Variants in BCAS3 observed in about 807,000 individuals in gnomAD.
BCAS3 encodes BCAS4/BCAS3 fusion.
BCAS3 carries 53 observed loss-of-function variants against 116.1 expected under a neutral mutation model. That is an observed-to-expected ratio of 0.46 (90% CI 0.37 to 0.57). The LOEUF (loss-of-function observed/expected upper bound fraction) is 0.57. Among genes scored for constraint, BCAS3 ranks in the 20% least tolerant of loss-of-function variants. BCAS3 has a pLI of 0.00. For missense variants in BCAS3, 917 were observed against 1,165.4 expected (o/e 0.79, Z 3.10); for synonymous variants, 391 against 408.2 (o/e 0.96, Z 0.51).
chr17:60,806,027 T>G (rs1000112769), intron 6 of BCAS3, among the ~76,000 whole-genome samples: 1 of 151,440 alleles, frequency 6.6e-6, no homozygotes, highest in African/African-American at 2.4e-5. Flanking sequence ...CTCGCGCTAA[T>G]TTTTATATTT....
intron 9 of BCAS3, chr17:60,887,488 T>A (rs1448906730): frequency 6.6e-6 from 1 of 152,414 alleles, no homozygotes; most frequent in Non-Finnish European, 1.5e-5. Flanking sequence ...TGTTTAACTT[T>A]TATATTTAAG....
In BCAS3 at chr17:61,272,145, T is replaced by G. The variant is rs2050338538; in HGVS notation, c.2426-96182T>G. Among the ~76,000 whole-genome samples, 6 of 152,150 alleles carry G rather than the reference T, an allele frequency of 3.9e-5. 1 individual carries two copies. The South Asian group carries it at 1.2e-3, about 32-fold the overall frequency. The stretch of plus-strand genomic sequence containing the variant: ...GAAGAGACTGTCATCAAATTACGTT[T>G]TAAAGAAAAGACTGAAATATATTCC... On this transcript the variant is annotated intron_variant, in intron 22 of 23. Transcript: ENST00000407086.
chr17:61,069,533 C>T (rs1195623949), intron 19 of BCAS3, among the ~76,000 whole-genome samples: 1 of 152,114 alleles, frequency 6.6e-6, no homozygotes, highest in Non-Finnish European at 1.5e-5. Flanking sequence ...TCAATGTCCA[C>T]CTGCAAGAAA....
intron 6 of BCAS3, among the ~76,000 whole-genome samples, chr17:60,750,652 T>C (rs1239422510): frequency 2.0e-5 from 3 of 152,244 alleles, no homozygotes; most frequent in African/African-American, 7.2e-5. Context: ...TTTTGTGAAC[T>C]GAATCCCTTC....
At position 61,259,132 on chromosome 17, in the gene BCAS3, G is replaced by A. The variant is rs532063512; in HGVS notation, c.2426-109195G>A. Among the ~76,000 whole-genome samples, 1 of 152,226 alleles carries A rather than the reference G, an allele frequency of 6.6e-6. No homozygotes were observed. Among genetic ancestry groups the A allele is most frequent in the Non-Finnish European group, 1.5e-5 (1 of 68,044 alleles). ...TTCTAAACATGTTTCCTTCTAGGAGGCAGAAGAGTGGGAATTGTTTAGCAT... is the reference window on the plus strand; with the variant it reads ...TTCTAAACATGTTTCCTTCTAGGAGACAGAAGAGTGGGAATTGTTTAGCAT... On this transcript the variant is annotated intron_variant, in intron 22 of 23. Coordinates refer to ENST00000407086, the MANE Select transcript of BCAS3 (RefSeq NM_017679.5). This position sits in a 1 kb window ranked among gnomAD's most constrained non-coding sequence, Gnocchi z 4.7.
intron 1 of BCAS3, among the ~76,000 whole-genome samples, chr17:60,679,218 C>CT (rs2032574649): frequency 6.6e-6 from 1 of 152,138 alleles, no homozygotes; most frequent in Non-Finnish European, 1.5e-5. Context: ...GAGCGAGACT[C>CT]TATCTCAAAA....
intron 22 of BCAS3, among the ~76,000 whole-genome samples, chr17:61,101,225 T>G (rs2143662874): frequency 6.6e-6 from 1 of 152,294 alleles, no homozygotes; most frequent in Middle Eastern, 3.4e-3. Context: ...CTCACCTAAC[T>G]ATACCTGCAT....
Position 61,019,659 on chromosome 17 carries a change from A to G in BCAS3, c.1637+3758A>G, listed in dbSNP as rs570852897. Among the ~76,000 whole-genome samples, 2 of 152,134 alleles carry G rather than the reference A, an allele frequency of 1.3e-5. No individual in the cohort carries two copies. The highest frequency in any genetic ancestry group is 2.9e-5 in the Non-Finnish European group (2 of 68,022). On this transcript the variant is annotated intron_variant, in intron 16 of 23. Transcript: ENST00000407086. This position sits in a 1 kb window ranked among gnomAD's most constrained non-coding sequence, Gnocchi z 5.6. ...ATTTCATCCCATTAGCTTTCATCCT[A>G]TTAGATTTTAAAGGCTATATTTATT...
At chr17:61,090,893 G>A (rs977246145) in intron 22 of BCAS3, among the ~76,000 whole-genome samples, 7 of 152,178 alleles carry the variant, frequency 4.6e-5, no homozygotes, top group African/African-American at 9.7e-5. Context: ...CTGACCTCGC[G>A]ATCCACATGC....
intron 14 of BCAS3, among the ~76,000 whole-genome samples, chr17:60,968,206 T>C (rs1442789532): frequency 6.6e-6 from 1 of 152,162 alleles, no homozygotes; most frequent in Non-Finnish European, 1.5e-5. Flanking sequence ...GGGTATATTT[T>C]GCTTAGTGCA....
rs1398917414 is a variant in BCAS3, at chr17:61,004,655, G to A, written c.1487-11096G>A. ...ATTTTGATGGTTCTTACCATGATGA[G>A]GTAAATGATATTTTGAATTTGGAGG... On this transcript the variant is annotated intron_variant, in intron 15 of 23. Coordinates refer to ENST00000407086, the MANE Select transcript of BCAS3 (RefSeq NM_017679.5). This position sits in a 1 kb window ranked among gnomAD's most constrained non-coding sequence, Gnocchi z 4.8. Among the ~76,000 whole-genome samples, 1 of 151,976 alleles carries A rather than the reference G, an allele frequency of 6.6e-6. No homozygotes were observed. The highest frequency in any genetic ancestry group is 2.4e-5 in the African/African-American group (1 of 41,396).
chr17:60,710,042 C>T (rs2037660793), intron 5 of BCAS3, among the ~76,000 whole-genome samples: 1 of 151,938 alleles, frequency 6.6e-6, no homozygotes, highest in South Asian at 2.1e-4. Context: ...GTCTTGAAGT[C>T]CTGGACTAAA....
At chr17:60,776,770 CTT>C (rs1325508644) in intron 6 of BCAS3, among the ~76,000 whole-genome samples, 1 of 149,138 alleles carries the variant, frequency 6.7e-6, no homozygotes, top group African/African-American at 2.5e-5. Context: ...AATCCCAACA[CTT>C]TGGGAGGCTG....
In BCAS3 at chr17:61,377,169, G is replaced by A. The variant is rs939609071; in HGVS notation, c.2593+8675G>A. Reference sequence around the variant, plus strand: ...GGTCTTTCTAGGATGCGGAGGCAAAGCTGGAACTCCCCAGTGCCTAATGCC... The same window carrying A: ...GGTCTTTCTAGGATGCGGAGGCAAAACTGGAACTCCCCAGTGCCTAATGCC... On this transcript the variant is annotated intron_variant, in intron 23 of 23. Coordinates refer to ENST00000407086, the MANE Select transcript of BCAS3 (RefSeq NM_017679.5). This position sits in a 1 kb window ranked among gnomAD's most constrained non-coding sequence, Gnocchi z 4.6. 1.3e-5 allele frequency among the ~76,000 whole-genome samples: 2 copies of A among 152,178 alleles called. 1 individual carries two copies. The highest frequency in any genetic ancestry group is 2.9e-5 in the Non-Finnish European group (2 of 68,044).
At chr17:61,152,184 G>C (rs961632542) in intron 22 of BCAS3, among the ~76,000 whole-genome samples, 1 of 152,178 alleles carries the variant, frequency 6.6e-6, no homozygotes, top group African/African-American at 2.4e-5. Context: ...CAGCGTGGAA[G>C]GGGACCCAAG....
chr17:60,824,448 C>G (rs2050210066), intron 7 of BCAS3, among the ~76,000 whole-genome samples: 1 of 152,178 alleles, frequency 6.6e-6, no homozygotes, highest in African/African-American at 2.4e-5. Flanking sequence ...TGGCTGGTAT[C>G]TCTTGTCCAG....
chr17:60,684,096 G>T, intron 3 of BCAS3, 60 bp downstream of exon 3: 1 of 1,537,314 alleles, frequency 6.5e-7, no homozygotes. Context: ...GAAATGTTTG[G>T]TTTCCTAAAC....
intron 4 of BCAS3, among the ~76,000 whole-genome samples, chr17:60,705,387 C>T (rs8074772): frequency 0.068 from 10,317 of 151,578 alleles, 1,183 homozygotes; most frequent in African/African-American, 0.23. Context: ...GATGTGGTGG[C>T]GCCTGTAATC....
intron 14 of BCAS3, among the ~76,000 whole-genome samples, chr17:60,987,844 A>G (rs529401650): frequency 1.3e-5 from 2 of 152,206 alleles, no homozygotes; most frequent in South Asian, 4.1e-4. Context: ...TGCTCTGGCT[A>G]GGACTTCCGG....
Sources: gnomAD v4.1 joint callset for allele counts (sites outside exome capture counted in the v4.1 genomes callset) on GRCh38, gnomAD v4.1.1 for gene constraint, Gnocchi (gnomAD v3.1) non-coding constraint, MANE v1.5 for transcripts, NCBI Gene and HGNC (gene_info 2026-07-23, HGNC 2026-07-21) for gene names.